GALNT14: variants seen among roughly 807,000 people sequenced by gnomAD.
The protein encoded by GALNT14 is UDP-GalNAc:polypeptide N-acetylgalactosaminyltransferase 14.
Under a neutral mutation model 77.5 loss-of-function variants are expected in GALNT14, and 60 were observed. The ratio of observed to expected loss-of-function variants is 0.77; its 90% confidence interval spans 0.63 to 0.96. GALNT14 has a LOEUF of 0.96. Ranked by LOEUF, GALNT14 falls within the 40% of genes least tolerant of loss-of-function variation. GALNT14 has a pLI of 0.00. For missense variants in GALNT14, 710 were observed against 731.0 expected, an observed-to-expected ratio of 0.97 and a Z score of 0.33; for synonymous variants, 280 against 281.7, an observed-to-expected ratio of 0.99 and a Z score of 0.06.
At chr2:31,103,504 C>G (rs1474829681) in intron 1 of GALNT14, among the ~76,000 whole-genome samples, 1 of 151,984 alleles carries the variant, frequency 6.6e-6, no homozygotes, top group Non-Finnish European at 1.5e-5. Context: ...CACACACACA[C>G]ACACATTACA....
intron 13 of GALNT14, among the ~76,000 whole-genome samples, chr2:30,921,535 G>C (rs1342041217): frequency 6.6e-6 from 1 of 152,180 alleles, no homozygotes; most frequent in African/African-American, 2.4e-5. Context: ...ATGATTCCTG[G>C]AAAAGCCACC....
intron 9 of GALNT14, among the ~76,000 whole-genome samples, chr2:30,935,431 T>C (rs79310899): frequency 0.047 from 7,107 of 152,232 alleles, 580 homozygotes; most frequent in African/African-American, 0.16. Flanking sequence ...TCCTGAAGGA[T>C]GTCCATCTCA....
Position 31,104,175 on chromosome 2 carries a change from T to C in GALNT14, c.129+33783A>G, listed in dbSNP as rs370802863. 1.3e-3 allele frequency among the ~76,000 whole-genome samples: 191 copies of C among 152,316 alleles called. 7 individuals are homozygous for C. The South Asian group carries it at 0.035, about 28-fold the overall frequency. On this transcript the variant is annotated intron_variant, in intron 1 of 14. Coordinates refer to ENST00000349752, the MANE Select transcript of GALNT14 (RefSeq NM_024572.4). ...GGATTCCCAATGGAGTCTTTCTTTCTGTCTCTCTTTTTATTTATTGTTTAC... is the reference window on the plus strand; with the variant it reads ...GGATTCCCAATGGAGTCTTTCTTTCCGTCTCTCTTTTTATTTATTGTTTAC...
At position 30,989,500 on chromosome 2, in the gene GALNT14, C is replaced by T. The variant is rs548209758; in HGVS notation, c.299+3338G>A. On this transcript the variant is annotated intron_variant, in intron 2 of 14. Transcript: ENST00000349752. ...CTTCAGTATCAGCCTACCCACATAC[C>T]CTGTAATAATAGCAACAACTAGAAT... 3.5e-5 allele frequency among the ~76,000 whole-genome samples: 5 copies of T among 143,942 alleles called. No individual in the cohort carries two copies. The South Asian group carries it at 1.1e-3, about 32-fold the overall frequency. The allele number at this position is 143,942 out of a possible 152,430, so 94.4% of individuals were successfully genotyped here.
intron 13 of GALNT14, among the ~76,000 whole-genome samples, chr2:30,923,291 G>A (rs547741192): frequency 1.9e-4 from 29 of 152,006 alleles, no homozygotes; most frequent in Admixed American, 3.9e-4. Context: ...CTTGAACTCC[G>A]GACCTTAGGT....
At chr2:31,076,990 G>C (rs1236998676) in intron 1 of GALNT14, among the ~76,000 whole-genome samples, 1 of 152,162 alleles carries the variant, frequency 6.6e-6, no homozygotes, top group African/African-American at 2.4e-5. Context: ...AGCACTGATT[G>C]TAGATGTGGT....
chr2:31,003,633 C>T (rs965066212), intron 1 of GALNT14, among the ~76,000 whole-genome samples: 2 of 152,240 alleles, frequency 1.3e-5, no homozygotes, highest in Admixed American at 1.3e-4. Flanking sequence ...ACACTCTCCC[C>T]ACCCATGTCT....
intron 10 of GALNT14, among the ~76,000 whole-genome samples, chr2:30,931,692 G>A (rs74939398): frequency 0.012 from 1,884 of 152,202 alleles, 47 homozygotes; most frequent in African/African-American, 0.043. Context: ...GACCCAGCCC[G>A]AAGGTGGGGC....
chr2:31,104,386 C>T (rs897244127), intron 1 of GALNT14, among the ~76,000 whole-genome samples: 2 of 151,922 alleles, frequency 1.3e-5, no homozygotes, highest in African/African-American at 4.8e-5. Context: ...CACATGTTCC[C>T]ATCATCTCTA....
chr2:31,113,974 G>A (rs2148628727), intron 1 of GALNT14, among the ~76,000 whole-genome samples: 1 of 152,216 alleles, frequency 6.6e-6, no homozygotes, highest in Non-Finnish European at 1.5e-5. Context: ...GCAGAACAAT[G>A]TATGGGAACA....
At chr2:30,990,055 A>T (rs1669607126) in intron 2 of GALNT14, among the ~76,000 whole-genome samples, 1 of 152,082 alleles carries the variant, frequency 6.6e-6, no homozygotes, top group African/African-American at 2.4e-5. Flanking sequence ...CACAGCAGAG[A>T]TCTTCACTGC....
At chr2:31,041,594 T>C (rs1294554014) in intron 1 of GALNT14, among the ~76,000 whole-genome samples, 1 of 152,032 alleles carries the variant, frequency 6.6e-6, no homozygotes, top group African/African-American at 2.4e-5. Context: ...GGTACATGCA[T>C]TGGTCGTGGG....
chr2:30,950,226 T>C (rs1475386529), intron 6 of GALNT14, among the ~76,000 whole-genome samples: 1 of 152,004 alleles, frequency 6.6e-6, no homozygotes, highest in Non-Finnish European at 1.5e-5. Context: ...ATCTTTTTTT[T>C]CCCACTAAAG....
At position 31,009,826 on chromosome 2, in the gene GALNT14, C is replaced by A. The variant is rs568401602; in HGVS notation, c.130-16819G>T. On this transcript the variant is annotated intron_variant, in intron 1 of 14. Coordinates refer to ENST00000349752, the MANE Select transcript of GALNT14 (RefSeq NM_024572.4). ...CACTCTAATCACTTGAACCCACACA[C>A]AACTAACCCATCCCCATGTCCTGTT... Among the ~76,000 whole-genome samples the A allele has an allele frequency of 1.4e-4, 22 of 152,292 alleles. No homozygotes were observed. In the South Asian group the frequency reaches 4.6e-3, roughly 32 times the overall value.
intron 1 of GALNT14, among the ~76,000 whole-genome samples, chr2:31,037,835 C>T (rs985634048): frequency 4.6e-5 from 7 of 151,976 alleles, no homozygotes; most frequent in African/African-American, 1.7e-4. Context: ...ACTTTCTACA[C>T]TAGCTGTTTA....
At position 30,932,309 on chromosome 2, in the gene GALNT14, G is replaced by T. The variant is rs1445485846; in HGVS notation, c.932-115C>A. ...CAGAGGCGAAAGAACAGACTCTGCAGCCAGTCTGTAGGCTCCACTGGCTGA... is the reference window on the plus strand; with the variant it reads ...CAGAGGCGAAAGAACAGACTCTGCATCCAGTCTGTAGGCTCCACTGGCTGA... On this transcript the variant is annotated intron_variant, in intron 9 of 14. Coordinates refer to ENST00000349752, the MANE Select transcript of GALNT14 (RefSeq NM_024572.4). 12 of 1,020,180 alleles carry T rather than the reference G, an allele frequency of 1.2e-5. No homozygotes were observed. The African/African-American group carries it at 1.8e-4, about 15-fold the overall frequency. The allele number at this position is 1,020,180 out of a possible 1,614,324, so 63.2% of individuals were successfully genotyped here. A position where few individuals can be genotyped will look rare whatever the true frequency, so the allele number is the denominator to read the frequency against.
chr2:31,020,361 G>C (rs1671641276), intron 1 of GALNT14, among the ~76,000 whole-genome samples: 1 of 151,770 alleles, frequency 6.6e-6, no homozygotes, highest in African/African-American at 2.4e-5. Context: ...ATTGTCATGT[G>C]GGTAAATGAC....
intron 1 of GALNT14, among the ~76,000 whole-genome samples, chr2:31,025,976 C>T (rs4952028): frequency 0.43 from 65,516 of 151,872 alleles, 14,332 homozygotes; most frequent in East Asian, 0.55. Context: ...TGAAGAGTAA[C>T]CTGCTTGATG....
intron 1 of GALNT14, among the ~76,000 whole-genome samples, chr2:31,046,898 T>A (rs900926848): frequency 6.6e-6 from 1 of 152,188 alleles, no homozygotes; most frequent in Non-Finnish European, 1.5e-5. Context: ...TATCAGCTCA[T>A]TCAGTCTTTG....
Sources: gnomAD v4.1 joint callset for allele counts (sites outside exome capture counted in the v4.1 genomes callset) on GRCh38, gnomAD v4.1.1 for gene constraint, MANE v1.5 for transcripts, NCBI Gene and HGNC (gene_info 2026-07-23, HGNC 2026-07-21) for gene names.